KNL1: variants seen among roughly 807,000 people sequenced by gnomAD.
KNL1 encodes the protein kinetochore scaffold 1.
In KNL1, 66 loss-of-function variants were observed where a neutral mutation model predicts 201.3. The ratio of observed to expected loss-of-function variants is 0.33; its 90% confidence interval spans 0.27 to 0.40. KNL1 has a LOEUF of 0.40. KNL1 is among the 10% of genes least tolerant of loss of function. The pLI, the probability that KNL1 is intolerant of heterozygous loss-of-function variation, is 1.00. For synonymous variants in KNL1, 895 were observed against 899.2 expected (o/e 1.00, Z 0.08); for missense variants, 2,815 against 2,690.5 (o/e 1.05, Z -1.02).
At chr15:40,647,747 T>G (rs548890309) in intron 17 of KNL1, among the ~76,000 whole-genome samples, 1 of 152,318 alleles carries the variant, frequency 6.6e-6, no homozygotes, top group South Asian at 2.1e-4. Context: ...TTCTCAGTCC[T>G]TAGCCATTTT....
chr15:40,637,432 T>A (rs1480668487), intron 13 of KNL1, among the ~76,000 whole-genome samples: 1 of 151,890 alleles, frequency 6.6e-6, no homozygotes, highest in African/African-American at 2.4e-5. Flanking sequence ...TGTCTGGTGA[T>A]GACGTGTATG....
At chr15:40,600,441 CAG>C (rs1038665279) in intron 1 of KNL1, among the ~76,000 whole-genome samples, 4 of 152,140 alleles carry the variant, frequency 2.6e-5, no homozygotes, top group African/African-American at 9.7e-5. Flanking sequence ...ATGTGTGTCT[CAG>C]AGGTGGTTGC....
intron 1 of KNL1, among the ~76,000 whole-genome samples, chr15:40,594,954 A>G (rs1891581307): frequency 1.3e-5 from 2 of 152,244 alleles, no homozygotes; most frequent in African/African-American, 2.4e-5. Flanking sequence ...TGCGCAAATT[A>G]GTTTTTAAAA....
rs532160742 is a variant in KNL1, at chr15:40,658,982, C to T, written c.6714-357C>T. On this transcript the variant is annotated intron_variant, in intron 24 of 25. Transcript: ENST00000399668. ...ATAATGTATGCCTAACTTGGACATG[C>T]CAGCGTAAAAATAAAATGAAATTGT... is the stretch of plus-strand genomic sequence containing the variant. 5.3e-5 allele frequency among the ~76,000 whole-genome samples: 8 copies of T among 150,330 alleles called. No individual in the cohort carries two copies. The South Asian group carries it at 1.7e-3, about 32-fold the overall frequency.
At chr15:40,594,631 C>G (rs1409934616) in intron 1 of KNL1, among the ~76,000 whole-genome samples, 1 of 152,186 alleles carries the variant, frequency 6.6e-6, no homozygotes, top group Non-Finnish European at 1.5e-5. Context: ...TGCACCTCGG[C>G]CCCTCCGGCC....
At chr15:40,644,391 G>A (rs1447698406) in intron 14 of KNL1, among the ~76,000 whole-genome samples, 1 of 152,274 alleles carries the variant, frequency 6.6e-6, no homozygotes, top group South Asian at 2.1e-4. Flanking sequence ...TCTCAGAATC[G>A]AACAAATGTA....
At chr15:40,601,126 C>T (rs1455019684) in intron 1 of KNL1, among the ~76,000 whole-genome samples, 1 of 152,218 alleles carries the variant, frequency 6.6e-6, no homozygotes, top group Non-Finnish European at 1.5e-5. Context: ...GCGGCCTGAG[C>T]TCCGCCTTCT....
chr15:40,640,490 T>C (rs1018099058), intron 13 of KNL1, among the ~76,000 whole-genome samples: 2 of 152,118 alleles, frequency 1.3e-5, no homozygotes, highest in Non-Finnish European at 2.9e-5. Context: ...TGCCTTATTT[T>C]ATAATTGGAG....
Position 40,623,059 on chromosome 15 carries a change from A to G in KNL1, c.2795A>G (p.Asp932Gly). The part of the protein sequence containing the change: ...TALECKTVSP[D>G]EITTRPMDKT... ...TTAGAATGTAAAACTGTCTCACCAG[A>G]TGAAATAACTACTAGGCCTATGGAC... is the stretch of plus-strand genomic sequence containing the variant. The change falls in exon 10 of 26, where the codon GAT (aspartate) becomes GGT (glycine). Residue 932 changes from aspartate to glycine, a missense_variant. Asp to Gly is a moderately conservative substitution (Grantham distance 94, BLOSUM62 -1). Around this residue, in one of 3 missense-constraint regions of KNL1, gnomAD observed 2,464 missense variants for 2,291.7 expected, o/e 1.08. Transcript: ENST00000399668. The G allele has an allele frequency of 6.2e-7, 1 of 1,614,002 alleles. No homozygotes were observed.
At chr15:40,619,449 T>A (rs1440970686) in intron 9 of KNL1, among the ~76,000 whole-genome samples, 1 of 152,074 alleles carries the variant, frequency 6.6e-6, no homozygotes, top group Non-Finnish European at 1.5e-5. Flanking sequence ...TTGCCCAGGC[T>A]GGAGTGCAGT....
intron 17 of KNL1, among the ~76,000 whole-genome samples, chr15:40,648,483 C>T (rs180701260): frequency 4.6e-5 from 7 of 152,156 alleles, no homozygotes; most frequent in African/African-American, 1.4e-4. Context: ...AACTTGTTCT[C>T]TCTTATGATG....
Position 40,621,875 on chromosome 15 carries a change from C to T in KNL1, c.1611C>T (p.Asn537=), listed in dbSNP as rs1395490071. Residue 537 remains asparagine (N), a synonymous_variant, in exon 10 of 26, where the codon AAC becomes AAT. Transcript: ENST00000399668. The part of the protein sequence containing the change: ...SEDGKMNVNC[N]SVPHVSKERI... ...ATGGGAAAATGAATGTAAATTGTAA[C>T]TCAGTTCCTCATGTATCTAAGGAAA... 2 of 1,613,938 alleles carry T rather than the reference C, an allele frequency of 1.2e-6. No individual in the cohort carries two copies. The highest frequency in any genetic ancestry group is 3.3e-5 in the Admixed American group (2 of 59,996).
chr15:40,611,676 A>G (rs1892167431), intron 7 of KNL1, among the ~76,000 whole-genome samples, 165 bp downstream of exon 7: 1 of 151,860 alleles, frequency 6.6e-6, no homozygotes. Context: ...TGTACTGTTT[A>G]TAGTTTTAAT....
chr15:40,627,168 T>C (rs1480676183), intron 10 of KNL1, among the ~76,000 whole-genome samples: 1 of 152,232 alleles, frequency 6.6e-6, no homozygotes, highest in East Asian at 1.9e-4. Context: ...ATGTTGGGGT[T>C]ACAGGCGTGA....
intron 7 of KNL1, among the ~76,000 whole-genome samples, chr15:40,613,423 C>A (rs1892237708): frequency 6.6e-6 from 1 of 151,934 alleles, no homozygotes; most frequent in African/African-American, 2.4e-5. Context: ...TAATTTAAAA[C>A]CATATGAAAG....
chr15:40,628,248 CT>C (rs1892809050), intron 11 of KNL1, 40 bp downstream of exon 11: 1 of 1,534,958 alleles, frequency 6.5e-7, no homozygotes, highest in Non-Finnish European at 8.7e-7. Context: ...CAGCCATCTG[CT>C]TACTTAACTA....
At chr15:40,655,355 A>G (rs557490503) in intron 22 of KNL1, among the ~76,000 whole-genome samples, 1 of 152,186 alleles carries the variant, frequency 6.6e-6, no homozygotes, top group African/African-American at 2.4e-5. Context: ...GCACTTTGGG[A>G]GGCCGAGGAA....
chr15:40,615,405 A>T (rs757987877), intron 8 of KNL1, 27 bp downstream of exon 8: 2 of 620,306 alleles, frequency 3.2e-6, no homozygotes, highest in African/African-American at 3.9e-5. Flanking sequence ...TACTTTTCTT[A>T]TAGTAAGATA....
intron 19 of KNL1, 143 bp from the exon 20 acceptor site, chr15:40,651,328 A>G (rs1441344990): frequency 1.3e-5 from 5 of 377,804 alleles, no homozygotes; most frequent in South Asian, 7.9e-5. Context: ...CTAAGAATGC[A>G]GAAATGGATG....
Sources: allele counts gnomAD v4.1 joint callset (sites outside exome capture counted in the v4.1 genomes callset), GRCh38; gene constraint gnomAD v4.1.1; regional missense constraint gnomAD v4.1.1; transcripts MANE v1.5; gene names NCBI Gene and HGNC (gene_info 2026-07-23, HGNC 2026-07-21).